KCNAB1: variants seen among roughly 807,000 people sequenced by gnomAD.
KCNAB1 encodes potassium voltage-gated channel subfamily A regulatory beta subunit 1.
In KCNAB1, 35 loss-of-function variants were observed where a neutral mutation model predicts 64.6. The observed-to-expected ratio is 0.54, with a 90% CI of 0.41 to 0.72. The LOEUF (loss-of-function observed/expected upper bound fraction) is 0.72. KCNAB1 is among the 30% of genes least tolerant of loss of function. KCNAB1 has a pLI of 0.00. For missense variants in KCNAB1, 401 were observed against 512.9 expected (o/e 0.78, Z 2.11); for synonymous variants, 177 against 183.8 (o/e 0.96, Z 0.30).
chr3:156,475,884 C>T (rs1340382309), intron 8 of KCNAB1, among the ~76,000 whole-genome samples: 1 of 152,170 alleles, frequency 6.6e-6, no homozygotes, highest in Non-Finnish European at 1.5e-5. Context: ...GTCTCATTCT[C>T]AACTACAGAG....
At chr3:156,194,456 C>G (rs1713762530) in intron 1 of KCNAB1, among the ~76,000 whole-genome samples, 1 of 152,020 alleles carries the variant, frequency 6.6e-6, no homozygotes. Context: ...TATGCTTCTT[C>G]CTTTGAATAT....
At chr3:156,386,879 A>G (rs1007700095) in intron 1 of KCNAB1, among the ~76,000 whole-genome samples, 8 of 152,156 alleles carry the variant, frequency 5.3e-5, no homozygotes, top group Non-Finnish European at 1.2e-4. Flanking sequence ...AATCTTTGAG[A>G]ACCAAAGCCA....
intron 8 of KCNAB1, among the ~76,000 whole-genome samples, chr3:156,489,197 A>C (rs1715441453): frequency 6.6e-6 from 1 of 152,126 alleles, no homozygotes; most frequent in Non-Finnish European, 1.5e-5. Flanking sequence ...TTGAGAATTG[A>C]TGAAATCACA....
intron 1 of KCNAB1, among the ~76,000 whole-genome samples, chr3:156,191,020 T>A (rs1713532395): frequency 6.6e-6 from 1 of 152,192 alleles, no homozygotes; most frequent in Non-Finnish European, 1.5e-5. Flanking sequence ...GACAGAGTGG[T>A]AATATAAAGG....
At chr3:156,231,070 G>A (rs1157478785) in intron 1 of KCNAB1, among the ~76,000 whole-genome samples, 1 of 152,166 alleles carries the variant, frequency 6.6e-6, no homozygotes, top group East Asian at 1.9e-4. Context: ...GTGCACAGGT[G>A]TACCCTTTCC....
intron 2 of KCNAB1, among the ~76,000 whole-genome samples, chr3:156,437,914 C>T (rs10513489): frequency 0.036 from 5,541 of 152,242 alleles, 340 homozygotes; most frequent in African/African-American, 0.13. Flanking sequence ...TCTCACTGTA[C>T]TGGGACCTCA....
At chr3:156,446,944 A>C (rs568268978) in intron 2 of KCNAB1, 2 of 152,370 alleles carry the variant, frequency 1.3e-5, no homozygotes, top group South Asian at 4.1e-4. Flanking sequence ...GGTCCTTCCT[A>C]TGATTGACAT....
intron 1 of KCNAB1, among the ~76,000 whole-genome samples, chr3:156,160,208 G>T (rs1003517443): frequency 1.3e-5 from 2 of 152,122 alleles, no homozygotes; most frequent in African/African-American, 4.8e-5. Context: ...ATAGTAATAA[G>T]CACAAATTTT....
rs577300130 is a variant in KCNAB1 at position 156,375,484 on chromosome 3, A to T, written c.276-46132A>T. Among the ~76,000 whole-genome samples, 5 of 135,544 alleles carry T rather than the reference A, an allele frequency of 3.7e-5. 2 individuals are homozygous for T. Among genetic ancestry groups the T allele is most frequent in the African/African-American group, 6.6e-5 (2 of 30,216 alleles). The allele number at this position is 135,544 out of a possible 152,430, so 88.9% of individuals were successfully genotyped here. A position where few individuals can be genotyped will look rare whatever the true frequency, so the allele number is the denominator to read the frequency against. ...GAACCTGCTCATTTTCTAGTGACACAGACAGAAACATAGGTAAGCAAATCA... is the reference window on the plus strand; with the variant it reads ...GAACCTGCTCATTTTCTAGTGACACTGACAGAAACATAGGTAAGCAAATCA... On this transcript the variant is annotated intron_variant, in intron 1 of 13. Transcript: ENST00000490337.
chr3:156,322,501 T>G (rs1722726626), intron 1 of KCNAB1, among the ~76,000 whole-genome samples: 1 of 152,178 alleles, frequency 6.6e-6, no homozygotes, highest in Non-Finnish European at 1.5e-5. Context: ...TTACACTGTA[T>G]TAGGTATTAT....
intron 1 of KCNAB1, among the ~76,000 whole-genome samples, chr3:156,140,627 G>A (rs2108278461): frequency 6.6e-6 from 1 of 152,176 alleles, no homozygotes; most frequent in African/African-American, 2.4e-5. Flanking sequence ...AATTTTGGGA[G>A]GAATGCAAAC....
At chr3:156,368,184 T>C (rs73017919) in intron 1 of KCNAB1, among the ~76,000 whole-genome samples, 17,805 of 152,178 alleles carry the variant, frequency 0.12, 3,443 homozygotes, top group African/African-American at 0.41. Context: ...TTGGGCATAC[T>C]TATATTAAAA....
intron 1 of KCNAB1, among the ~76,000 whole-genome samples, chr3:156,269,344 A>G (rs1235746211): frequency 6.6e-6 from 1 of 152,228 alleles, no homozygotes; most frequent in Non-Finnish European, 1.5e-5. Flanking sequence ...AATTGTGGTC[A>G]GAAAAGATAC....
At chr3:156,178,949 C>T (rs7612532) in intron 1 of KCNAB1, among the ~76,000 whole-genome samples, 84,322 of 145,350 alleles carry the variant, frequency 0.58, 24,673 homozygotes, top group East Asian at 0.9. Flanking sequence ...TGCAGTGAGC[C>T]GAGATCGCGC....
intron 1 of KCNAB1, among the ~76,000 whole-genome samples, chr3:156,413,628 C>G (rs1423591122): frequency 6.6e-6 from 1 of 152,236 alleles, no homozygotes; most frequent in Non-Finnish European, 1.5e-5. Context: ...CTGCATTTCA[C>G]CACTGCACTC....
intron 1 of KCNAB1, among the ~76,000 whole-genome samples, chr3:156,125,075 T>G (rs2108256448): frequency 6.6e-6 from 1 of 151,840 alleles, no homozygotes; most frequent in South Asian, 2.1e-4. Context: ...GAGGCAGAGG[T>G]TGCAGTGAGC....
chr3:156,379,875 T>G (rs1200444149), intron 1 of KCNAB1, among the ~76,000 whole-genome samples: 1 of 152,046 alleles, frequency 6.6e-6, no homozygotes, highest in Non-Finnish European at 1.5e-5. Flanking sequence ...AAGCAACAAT[T>G]TTTTTCCAGA....
intron 7 of KCNAB1, 100 bp downstream of exon 7, chr3:156,465,786 T>G: frequency 1.0e-6 from 1 of 985,758 alleles, no homozygotes; most frequent in Non-Finnish European, 1.6e-6. Flanking sequence ...AGGAAAAAGT[T>G]CTATATGAAA....
intron 1 of KCNAB1, among the ~76,000 whole-genome samples, chr3:156,364,332 G>T: frequency 6.6e-6 from 1 of 152,322 alleles, no homozygotes; most frequent in East Asian, 1.9e-4. Context: ...CATTTTTCAT[G>T]TCAGAAATTC....
Sources: allele counts gnomAD v4.1 joint callset (sites outside exome capture counted in the v4.1 genomes callset), GRCh38; gene constraint gnomAD v4.1.1; transcripts MANE v1.5; gene names NCBI Gene and HGNC (gene_info 2026-07-23, HGNC 2026-07-21).